The following PLCB1 variants were observed in gnomAD, a reference collection of about 807,000 sequenced individuals.
The protein encoded by PLCB1 is phospholipase C beta 1, also known as 1-phosphatidylinositol 4,5-bisphosphate phosphodiesterase beta-1.
In PLCB1, 46 loss-of-function variants were observed where a neutral mutation model predicts 161.8. That is an observed-to-expected ratio of 0.28 (90% CI 0.22 to 0.36). The LOEUF is 0.36. PLCB1 is among the 10% of genes least tolerant of loss of function. The probability of loss-of-function intolerance (pLI) is 1.00; values close to 1 mark genes in which losing one functional copy is unlikely to be tolerated. For missense variants in PLCB1, 1,016 were observed against 1,472.5 expected (o/e 0.69, Z 5.07); for synonymous variants, 517 against 503.7 (o/e 1.03, Z -0.35).
chr20:8,724,850 G>A (rs1036785066), intron 16 of PLCB1, 98 bp downstream of exon 16: 71 of 654,158 alleles, frequency 1.1e-4, no homozygotes, highest in Middle Eastern at 5.0e-4. Flanking sequence ...TTAATAGAGA[G>A]ATTTATGCTT....
At chr20:8,465,366 G>A (rs1981771485) in intron 3 of PLCB1, among the ~76,000 whole-genome samples, 1 of 152,034 alleles carries the variant, frequency 6.6e-6, no homozygotes, top group Non-Finnish European at 1.5e-5. Flanking sequence ...AAATCTCTTT[G>A]GAGATTTTTT....
At chr20:8,582,674 T>C (rs1442297378) in intron 3 of PLCB1, among the ~76,000 whole-genome samples, 3 of 152,088 alleles carry the variant, frequency 2.0e-5, no homozygotes, top group Non-Finnish European at 2.9e-5. Context: ...ATCCATACAA[T>C]GTAATATTAT....
intron 2 of PLCB1, among the ~76,000 whole-genome samples, chr20:8,199,640 A>G (rs961192196): frequency 2.0e-5 from 3 of 152,130 alleles, no homozygotes; most frequent in African/African-American, 7.2e-5. Flanking sequence ...ATGATTTTAT[A>G]TATTAAGGAT....
At chr20:8,221,602 C>T (rs1379122754) in intron 2 of PLCB1, among the ~76,000 whole-genome samples, 1 of 152,150 alleles carries the variant, frequency 6.6e-6, no homozygotes, top group Non-Finnish European at 1.5e-5. Flanking sequence ...TCAGATTCAT[C>T]TCTCACACAC....
intron 2 of PLCB1, among the ~76,000 whole-genome samples, chr20:8,324,949 G>A (rs73895799): frequency 0.044 from 6,716 of 152,268 alleles, 188 homozygotes; most frequent in Middle Eastern, 0.099. Flanking sequence ...TTCCAAGAAT[G>A]AAAATACTAA....
intron 3 of PLCB1, among the ~76,000 whole-genome samples, chr20:8,390,490 G>A (rs1338769379): frequency 1.3e-5 from 2 of 152,172 alleles, no homozygotes; most frequent in Non-Finnish European, 2.9e-5. Flanking sequence ...GCCCTTAACA[G>A]TGTTCCCTCA....
chr20:8,539,622 TTC>T (rs1251928380), intron 3 of PLCB1, among the ~76,000 whole-genome samples: 1 of 67,698 alleles, frequency 1.5e-5, no homozygotes, highest in Non-Finnish European at 2.6e-5. Context: ...TTTATTTTCT[TTC>T]TTTCTTTCTT....
rs557016288 is a variant in PLCB1 at position 8,498,817 on chromosome 20, T to C, written c.246+127367T>C. Among the ~76,000 whole-genome samples, 442 of 152,326 alleles carry C rather than the reference T, an allele frequency of 2.9e-3. 3 individuals are homozygous for C. The highest frequency in any genetic ancestry group is 0.01 in the African/African-American group (428 of 41,582). Reference sequence around the variant, plus strand: ...GACTAAGTTCAGTTAGAGGAACTTATAGGAGAGCTGTGAACTTCCAGATGA... The same window carrying C: ...GACTAAGTTCAGTTAGAGGAACTTACAGGAGAGCTGTGAACTTCCAGATGA... On this transcript the variant is annotated intron_variant, in intron 3 of 31. Coordinates refer to ENST00000338037, the MANE Select transcript of PLCB1 (RefSeq NM_015192.4).
chr20:8,266,210 A>G (rs1463502533), intron 2 of PLCB1, among the ~76,000 whole-genome samples: 1 of 152,188 alleles, frequency 6.6e-6, no homozygotes, highest in African/African-American at 2.4e-5. Flanking sequence ...ATATGGTTGC[A>G]TTGGTTCTAC....
intron 3 of PLCB1, among the ~76,000 whole-genome samples, chr20:8,427,063 T>C (rs1313535022): frequency 1.3e-5 from 2 of 152,052 alleles, no homozygotes; most frequent in Non-Finnish European, 2.9e-5. Flanking sequence ...AGGCACCTGC[T>C]ACCACATCTG....
chr20:8,522,483 C>G (rs1222999248), intron 3 of PLCB1, among the ~76,000 whole-genome samples: 1 of 147,292 alleles, frequency 6.8e-6, no homozygotes, highest in East Asian at 2.0e-4. Flanking sequence ...GCCTAGTCTT[C>G]TTCCAGCACC....
chr20:8,738,701 T>G (rs1399812889), intron 20 of PLCB1, among the ~76,000 whole-genome samples: 13 of 152,342 alleles, frequency 8.5e-5, no homozygotes, highest in African/African-American at 2.9e-4. Context: ...AACAGCCTAT[T>G]TTTTTAACAA....
chr20:8,561,083 G>C (rs1439003064), intron 3 of PLCB1, among the ~76,000 whole-genome samples: 1 of 151,784 alleles, frequency 6.6e-6, no homozygotes, highest in African/African-American at 2.4e-5. Flanking sequence ...CCAGATGATG[G>C]GAAAATGGCC....
At chr20:8,270,278 C>G (rs1388788344) in intron 2 of PLCB1, among the ~76,000 whole-genome samples, 4 of 152,102 alleles carry the variant, frequency 2.6e-5, no homozygotes, top group Admixed American at 2.0e-4. Flanking sequence ...CTTTCTCCCC[C>G]ACACCCTGCC....
intron 3 of PLCB1, among the ~76,000 whole-genome samples, chr20:8,585,577 A>G (rs1600170870): frequency 6.6e-6 from 1 of 152,288 alleles, no homozygotes; most frequent in East Asian, 1.9e-4. Context: ...TGATCACGTT[A>G]TTAACTCTTT....
At chr20:8,784,452 A>G (rs1983385363) in intron 27 of PLCB1, among the ~76,000 whole-genome samples, 1 of 152,008 alleles carries the variant, frequency 6.6e-6, no homozygotes, top group Non-Finnish European at 1.5e-5. Context: ...AATCCCAGCT[A>G]TTCGGGAGGC....
intron 2 of PLCB1, among the ~76,000 whole-genome samples, chr20:8,309,383 T>A (rs564255457): frequency 5.1e-4 from 78 of 152,342 alleles, no homozygotes; most frequent in South Asian, 1.7e-3. Flanking sequence ...AGAGAATTCC[T>A]ATGCCGCTGT....
chr20:8,308,138 A>G (rs894913190), intron 2 of PLCB1, among the ~76,000 whole-genome samples: 1 of 152,052 alleles, frequency 6.6e-6, no homozygotes, highest in African/African-American at 2.4e-5. Flanking sequence ...AGTTTTTCAT[A>G]TTATAGCCAG....
intron 1 of PLCB1, among the ~76,000 whole-genome samples, chr20:8,137,996 T>G (rs6055562): frequency 1.3e-5 from 2 of 152,074 alleles, no homozygotes; most frequent in Admixed American, 6.5e-5. Flanking sequence ...CTGGGAAGTA[T>G]AGCAGGTATA....
Sources: gnomAD v4.1 joint callset for allele counts (sites outside exome capture counted in the v4.1 genomes callset) on GRCh38, gnomAD v4.1.1 for gene constraint, MANE v1.5 for transcripts, NCBI Gene and HGNC (gene_info 2026-07-23, HGNC 2026-07-21) for gene names.